The following CAST variants were observed in gnomAD, a reference collection of about 807,000 sequenced individuals.
CAST encodes the protein MIR583 host.
A neutral mutation model predicts 119.6 loss-of-function variants in CAST; 76 were observed. The observed-to-expected ratio is 0.64, with a 90% CI of 0.53 to 0.77. The LOEUF (loss-of-function observed/expected upper bound fraction) is 0.77, where lower values mean the gene tolerates loss of function less well. Ranked by LOEUF, CAST falls within the 30% of genes least tolerant of loss-of-function variation. The pLI is 0.00. For missense variants in CAST, 953 were observed against 946.5 expected, an observed-to-expected ratio of 1.01 and a Z score of -0.09; for synonymous variants, 319 against 331.6, an observed-to-expected ratio of 0.96 and a Z score of 0.41.
chr5:96,623,429 G>A (rs941493484), intron 1 of CAST, among the ~76,000 whole-genome samples: 14 of 151,992 alleles, frequency 9.2e-5, no homozygotes, highest in Non-Finnish European at 1.2e-4. Context: ...GTTTGAGCCC[G>A]GACACTCTAC....
the CAST span, among the ~76,000 whole-genome samples, chr5:96,359,427 T>C: frequency 6.6e-6 from 1 of 152,240 alleles, no homozygotes. Context: ...CTTCATAGTG[T>C]CAATGGTCTT....
chr5:96,583,723 G>A (rs1043723188), intron 1 of CAST, among the ~76,000 whole-genome samples: 2 of 152,180 alleles, frequency 1.3e-5, no homozygotes, highest in Admixed American at 6.5e-5. Context: ...GAAAAATAGA[G>A]GGGGAGACTA....
the CAST span, among the ~76,000 whole-genome samples, chr5:96,207,654 A>G: frequency 6.6e-6 from 1 of 152,054 alleles, no homozygotes; most frequent in South Asian, 2.1e-4. Flanking sequence ...AGCCTACTTG[A>G]TGGCAGTGGG....
At chr5:96,090,500 C>T in the CAST span, among the ~76,000 whole-genome samples, 2 of 152,036 alleles carry the variant, frequency 1.3e-5, no homozygotes, top group Non-Finnish European at 2.9e-5. Flanking sequence ...TCTCTGGGGT[C>T]CTCTTAGTTC....
chr5:96,468,971 C>T, the CAST span, among the ~76,000 whole-genome samples: 1 of 152,050 alleles, frequency 6.6e-6, no homozygotes, highest in African/African-American at 2.4e-5. Flanking sequence ...TACGCATAAA[C>T]TTAAATTTTG....
the CAST span, among the ~76,000 whole-genome samples, chr5:96,337,612 C>T: frequency 6.6e-6 from 1 of 152,218 alleles, no homozygotes; most frequent in Non-Finnish European, 1.5e-5. Flanking sequence ...GCTGGATCTT[C>T]TGTAATGCAG....
chr5:96,128,309 G>A, the CAST span, among the ~76,000 whole-genome samples: 1 of 152,060 alleles, frequency 6.6e-6, no homozygotes, highest in African/African-American at 2.4e-5. Flanking sequence ...GTGAACGGGA[G>A]CGTTTATTTT....
chr5:96,248,596 T>C, the CAST span, among the ~76,000 whole-genome samples: 1 of 152,172 alleles, frequency 6.6e-6, no homozygotes, highest in Non-Finnish European at 1.5e-5. Flanking sequence ...AAAAAGATGC[T>C]CGATAATTAA....
chr5:96,362,196 G>C, the CAST span, among the ~76,000 whole-genome samples: 1 of 152,062 alleles, frequency 6.6e-6, no homozygotes, highest in South Asian at 2.1e-4. Flanking sequence ...GTATTCCATG[G>C]TGTATATGTG....
At chr5:96,081,036 T>C in the CAST span, among the ~76,000 whole-genome samples, 2 of 152,164 alleles carry the variant, frequency 1.3e-5, no homozygotes, top group Admixed American at 1.3e-4. Context: ...CTGGGTCCTA[T>C]AAGGAATCAA....
At chr5:96,433,730 A>G in the CAST span, among the ~76,000 whole-genome samples, 1 of 152,158 alleles carries the variant, frequency 6.6e-6, no homozygotes, top group African/African-American at 2.4e-5. Flanking sequence ...GGAAGCTACT[A>G]CTGTCCCAAT....
intron 19 of CAST, among the ~76,000 whole-genome samples, chr5:96,749,030 A>C (rs1231328340): frequency 6.6e-6 from 1 of 152,208 alleles, no homozygotes; most frequent in Non-Finnish European, 1.5e-5. Context: ...CTACAAAAAA[A>C]AGTTCCTATT....
chr5:96,167,951 G>T, the CAST span, among the ~76,000 whole-genome samples: 2 of 152,188 alleles, frequency 1.3e-5, no homozygotes, highest in African/African-American at 4.8e-5. Flanking sequence ...ACTGAGAAGT[G>T]ATTTCCTTAA....
chr5:96,209,453 A>G, the CAST span, among the ~76,000 whole-genome samples: 2 of 151,824 alleles, frequency 1.3e-5, no homozygotes. Context: ...AGTGGCCAGT[A>G]AGTCTTTTGT....
Position 96,754,146 on chromosome 5 carries a change from GATGGATA to G in CAST, c.1613_1619del (p.Met538LysfsTer27). 6.2e-7 allele frequency: 1 copy of G among 1,607,586 alleles called. No individual in the cohort carries two copies. Among genetic ancestry groups the G allele is most frequent in the Non-Finnish European group, 8.5e-7 (1 of 1,174,048 alleles). ...CAGATCCAGAAGATGGAAAACCTGT[GATGGATA>G]AAGTCAAGGTAATGGCAACTGAGAT... On this transcript the variant is annotated frameshift_variant, in exon 21 of 32. Transcript: ENST00000675179. LOFTEE classifies it high-confidence loss of function.
the CAST span, among the ~76,000 whole-genome samples, chr5:96,040,737 C>T: frequency 0.046 from 6,945 of 152,002 alleles, 276 homozygotes; most frequent in Admixed American, 0.089. Flanking sequence ...TTGATCATGG[C>T]GAATAAGATT....
chr5:96,582,925 G>T (rs940768243), intron 1 of CAST, among the ~76,000 whole-genome samples: 6 of 152,104 alleles, frequency 3.9e-5, no homozygotes, highest in African/African-American at 1.4e-4. Context: ...TACCTATTTT[G>T]TGATTCATGA....
the CAST span, among the ~76,000 whole-genome samples, chr5:96,435,403 C>T: frequency 3.3e-5 from 5 of 152,178 alleles, no homozygotes; most frequent in Non-Finnish European, 5.9e-5. Flanking sequence ...AGTTAATCTG[C>T]TATTGTCTGA....
At chr5:96,607,758 G>A (rs564979155) in intron 1 of CAST, among the ~76,000 whole-genome samples, 2 of 151,064 alleles carry the variant, frequency 1.3e-5, no homozygotes, top group South Asian at 2.1e-4. Context: ...AGAGACTGCC[G>A]GTGCAGAAGG....
Sources: gnomAD v4.1 joint callset for allele counts (sites outside exome capture counted in the v4.1 genomes callset) on GRCh38, gnomAD v4.1.1 for gene constraint, MANE v1.5 for transcripts, NCBI Gene and HGNC (gene_info 2026-07-23, HGNC 2026-07-21) for gene names.